TUSC3: variants seen among roughly 807,000 people sequenced by gnomAD.
The protein encoded by TUSC3 is dolichyl-diphosphooligosaccharide--protein glycosyltransferase subunit TUSC3.
In TUSC3, 45 loss-of-function variants were observed where a neutral mutation model predicts 44.8. That is an observed-to-expected ratio of 1.00 (90% CI 0.79 to 1.29). The LOEUF (loss-of-function observed/expected upper bound fraction) is 1.29, where lower values mean the gene tolerates loss of function less well. Ranked by LOEUF, TUSC3 falls within the 50% of genes most tolerant of loss-of-function variation. The pLI is 0.00. For synonymous variants in TUSC3, 212 were observed against 152.9 expected (o/e 1.39, Z -2.85); for missense variants, 519 against 437.9 (o/e 1.19, Z -1.65).
At chr8:15,537,079 G>C (rs996604219), upstream of TUSC3, among the ~76,000 whole-genome samples, 1 of 152,088 alleles carries the variant, frequency 6.6e-6, no homozygotes, top group Non-Finnish European at 1.5e-5. Flanking sequence ...GATCCAGTAA[G>C]ATAATCAACT....
chr8:15,561,461 G>A (rs535677999), intron 1 of TUSC3, among the ~76,000 whole-genome samples: 1 of 142,524 alleles, frequency 7.0e-6, no homozygotes, highest in African/African-American at 2.6e-5. Context: ...CCTTTTGTTT[G>A]TCTGTGCCCT....
intron 1 of TUSC3, among the ~76,000 whole-genome samples, chr8:15,619,339 A>G (rs553737802): frequency 2.6e-4 from 40 of 152,322 alleles, no homozygotes; most frequent in African/African-American, 9.6e-4. Flanking sequence ...ATGTAATCAA[A>G]TATAATACAT....
intron 1 of TUSC3, among the ~76,000 whole-genome samples, chr8:15,619,673 T>C (rs1805155345): frequency 6.7e-6 from 1 of 149,738 alleles, no homozygotes; most frequent in Admixed American, 6.6e-5. Context: ...TTGTATTTTT[T>C]TGTTTGTTTG....
the TUSC3 span, among the ~76,000 whole-genome samples, chr8:15,771,896 G>A: frequency 6.6e-6 from 1 of 152,058 alleles, no homozygotes; most frequent in East Asian, 1.9e-4. Context: ...AGACCATCCT[G>A]GCTAACACGG....
intron 1 of TUSC3, among the ~76,000 whole-genome samples, chr8:15,562,651 G>A (rs1802520668): frequency 6.6e-6 from 1 of 152,062 alleles, no homozygotes; most frequent in Non-Finnish European, 1.5e-5. Context: ...CATTCAAGTT[G>A]TAGGCAGAAT....
At chr8:15,498,979 G>C (rs1398543879) in intron 2 of TUSC3, among the ~76,000 whole-genome samples, 1 of 152,094 alleles carries the variant, frequency 6.6e-6, no homozygotes, top group Non-Finnish European at 1.5e-5. Context: ...TAGACCTTAT[G>C]GAACTAGTCC....
chr8:15,802,220 G>C, the TUSC3 span, among the ~76,000 whole-genome samples: 1 of 152,118 alleles, frequency 6.6e-6, no homozygotes, highest in South Asian at 2.1e-4. Context: ...AGAGTCACTG[G>C]GTGAAATCCC....
At chr8:15,773,997 C>G in the TUSC3 span, among the ~76,000 whole-genome samples, 1 of 152,112 alleles carries the variant, frequency 6.6e-6, no homozygotes, top group Non-Finnish European at 1.5e-5. Context: ...GCAACAGTTT[C>G]TTGGATATGA....
intron 1 of TUSC3, among the ~76,000 whole-genome samples, chr8:15,583,072 T>C (rs1380014690): frequency 2.0e-5 from 3 of 152,182 alleles, no homozygotes; most frequent in Admixed American, 6.5e-5. Context: ...ATGACTGGAA[T>C]ACAAATGAGA....
At chr8:15,829,501 G>C in the TUSC3 span, among the ~76,000 whole-genome samples, 1 of 151,946 alleles carries the variant, frequency 6.6e-6, no homozygotes, top group Non-Finnish European at 1.5e-5. Context: ...CTCTTATTAG[G>C]TACAGTTCAA....
At position 15,576,288 on chromosome 8, in the gene TUSC3, T is replaced by TTTTTATTTA. The variant is rs1346209890; in HGVS notation, c.138+35723_138+35724insTATTTATTT. Among the ~76,000 whole-genome samples, 10 of 146,590 alleles carry TTTTTATTTA rather than the reference T, an allele frequency of 6.8e-5. No individual in the cohort carries two copies. The East Asian group carries it at 2.0e-3, about 29-fold the overall frequency. On this transcript the variant is annotated intron_variant, in intron 1 of 10. Coordinates refer to ENST00000503731, the MANE Select transcript of TUSC3 (RefSeq NM_006765.4). ...TTTTCTTGGTCCTCTTGTTTTTTTT[T>TTTTTATTTA]TTTATTTTTTTATTTTTTTATTTAT... is the stretch of plus-strand genomic sequence containing the variant.
At chr8:15,577,909 C>G (rs1256284812) in intron 1 of TUSC3, among the ~76,000 whole-genome samples, 1 of 150,652 alleles carries the variant, frequency 6.6e-6, no homozygotes, top group African/African-American at 2.5e-5. Flanking sequence ...TTGGGCAGTA[C>G]GGCCATTTTT....
At chr8:15,523,733 T>A (rs1327295145) in intron 2 of TUSC3, among the ~76,000 whole-genome samples, 2 of 138,324 alleles carry the variant, frequency 1.4e-5, no homozygotes, top group African/African-American at 5.5e-5. Flanking sequence ...TATAAAGTAG[T>A]TCTTAGGAGA....
In TUSC3 at chr8:15,628,791, C is replaced by G. The variant is rs573212909; in HGVS notation, c.308+5542C>G. Among the ~76,000 whole-genome samples the G allele has an allele frequency of 3.3e-5, 5 of 152,292 alleles. No homozygotes were observed. The South Asian group carries it at 1.0e-3, about 32-fold the overall frequency. ...CTGTAGAATTAAATGATGTTCTTTC[C>G]TAGTACTGAGCAATTTAGTAGCAAG... On this transcript the variant is annotated intron_variant, in intron 2 of 10. Transcript: ENST00000503731.
At chr8:15,660,023 G>A (rs983992251) in intron 4 of TUSC3, among the ~76,000 whole-genome samples, 1 of 151,938 alleles carries the variant, frequency 6.6e-6, no homozygotes, top group Non-Finnish European at 1.5e-5. Context: ...TTAAAGCTAC[G>A]TGGAAAAATG....
intron 1 of TUSC3, among the ~76,000 whole-genome samples, chr8:15,605,471 C>A (rs971094699): frequency 1.3e-5 from 2 of 151,850 alleles, no homozygotes; most frequent in African/African-American, 4.8e-5. Context: ...ACACAGTTGA[C>A]CCTTGAACAA....
At chr8:15,535,032 G>A (rs1391074684) in intron 2 of TUSC3, among the ~76,000 whole-genome samples, 2 of 152,156 alleles carry the variant, frequency 1.3e-5, no homozygotes, top group African/African-American at 2.4e-5. Flanking sequence ...AAATATAGGA[G>A]TATGGAGTCC....
chr8:15,521,417 C>T (rs924959689), intron 2 of TUSC3, among the ~76,000 whole-genome samples: 1 of 152,224 alleles, frequency 6.6e-6, no homozygotes, highest in South Asian at 2.1e-4. Flanking sequence ...AGAAAAGGCA[C>T]ATCCTTTACA....
chr8:15,741,684 C>G (rs1811203661), intron 7 of TUSC3, among the ~76,000 whole-genome samples: 1 of 150,592 alleles, frequency 6.6e-6, no homozygotes, highest in African/African-American at 2.4e-5. Flanking sequence ...GAAACTGTGT[C>G]TCTAAAAATT....
Sources: allele counts gnomAD v4.1 joint callset (sites outside exome capture counted in the v4.1 genomes callset), GRCh38; gene constraint gnomAD v4.1.1; transcripts MANE v1.5; gene names NCBI Gene and HGNC (gene_info 2026-07-23, HGNC 2026-07-21).